CMIP: variants seen among roughly 807,000 people sequenced by gnomAD.
The protein encoded by CMIP is c-Maf inducing protein, also known as C-Maf-inducing protein.
Under a neutral mutation model 97.3 loss-of-function variants are expected in CMIP, and 13 were observed. The observed-to-expected ratio is 0.13, with a 90% CI of 0.09 to 0.21. CMIP has a LOEUF of 0.21. Among genes scored for constraint, CMIP ranks in the 10% least tolerant of loss-of-function variants. CMIP has a pLI of 1.00. For missense variants in CMIP, 847 were observed against 1,024.9 expected (o/e 0.83, Z 2.37); for synonymous variants, 538 against 436.3 (o/e 1.23, Z -2.91).
intron 15 of CMIP, 73 bp downstream of exon 15, chr16:81,699,874 C>T (rs896799431): frequency 1.9e-5 from 20 of 1,080,432 alleles, no homozygotes; most frequent in Non-Finnish European, 2.6e-5. Flanking sequence ...AGAGCATCTG[C>T]TGGGAGCCAG....
chr16:81,696,260 C>T (rs1423062622), intron 13 of CMIP: 2 of 481,062 alleles, frequency 4.2e-6, no homozygotes, highest in East Asian at 4.1e-5. Context: ...GCATCTCTAC[C>T]TGCTGCAGCC....
At chr16:81,536,957 G>C (rs1056945039) in intron 1 of CMIP, among the ~76,000 whole-genome samples, 1 of 152,162 alleles carries the variant, frequency 6.6e-6, no homozygotes, top group Non-Finnish European at 1.5e-5. Flanking sequence ...AGGGGTAACT[G>C]CTCTCCTGGC....
intron 3 of CMIP, chr16:81,645,436 C>T (rs2092353659): frequency 1.3e-6 from 2 of 1,508,756 alleles, no homozygotes; most frequent in Admixed American, 4.0e-5. Flanking sequence ...CGACGTGCTT[C>T]CAGTGCATTC....
chr16:81,520,201 G>A (rs537906694), intron 1 of CMIP: 3 of 152,312 alleles, frequency 2.0e-5, no homozygotes, highest in African/African-American at 7.2e-5. Context: ...GAGTCCTGCT[G>A]GCTGGGTTTG....
At position 81,614,433 on chromosome 16, in the gene CMIP, T is replaced by C. The variant is rs1000117058; in HGVS notation, c.427-6443T>C. On this transcript the variant is annotated intron_variant, in intron 2 of 20. Transcript: ENST00000537098. The surrounding 1 kb of genome is among the most constrained non-coding windows in gnomAD (Gnocchi z 5.3). ...TCACTTCAGCATGACATCAGCTCGT[T>C]GCATTGGCCTGTGTGCTTGCCAGGA... 8.5e-5 allele frequency among the ~76,000 whole-genome samples: 13 copies of C among 152,184 alleles called. No homozygotes were observed. The highest frequency in any genetic ancestry group is 2.7e-4 in the African/African-American group (11 of 41,432).
chr16:81,459,056 ATCACTG>A (rs1214622053), intron 1 of CMIP, among the ~76,000 whole-genome samples: 10 of 141,402 alleles, frequency 7.1e-5, no homozygotes, highest in African/African-American at 2.3e-4. Context: ...CACCATCACC[ATCACTG>A]TCACCGTCAC....
At chr16:81,640,435 G>A (rs1032081803) in intron 3 of CMIP, among the ~76,000 whole-genome samples, 4 of 152,260 alleles carry the variant, frequency 2.6e-5, no homozygotes, top group African/African-American at 9.6e-5. Context: ...CAGTAAGATG[G>A]CAGACTGACT....
chr16:81,590,998 A>G (rs1310497313), intron 1 of CMIP, among the ~76,000 whole-genome samples: 1 of 152,258 alleles, frequency 6.6e-6, no homozygotes, highest in African/African-American at 2.4e-5. Context: ...TCACACCACA[A>G]CAGCACTGCT....
intron 1 of CMIP, among the ~76,000 whole-genome samples, chr16:81,512,883 C>T (rs181401612): frequency 2.4e-4 from 37 of 152,128 alleles, no homozygotes; most frequent in Non-Finnish European, 4.7e-4. Flanking sequence ...ATTACAGGCA[C>T]GCACCACCAC....
At chr16:81,648,882 C>G (rs2092396103) in intron 3 of CMIP, among the ~76,000 whole-genome samples, 1 of 148,512 alleles carries the variant, frequency 6.7e-6, no homozygotes, top group Admixed American at 6.7e-5. Flanking sequence ...TTAGGAACGT[C>G]AACTCTGAGT....
chr16:81,702,667 A>G lies in CMIP; in HGVS notation c.1942A>G (p.Thr648Ala). The G allele has an allele frequency of 6.2e-7, 1 of 1,613,204 alleles. No homozygotes were observed. The highest frequency in any genetic ancestry group is 8.5e-7 in the Non-Finnish European group (1 of 1,179,426). ...PTRLTLPSKS[T>A]DADLARLLSS... is the part of the protein sequence containing the mutation. ...CAGGCTAACACTGCCCTCCAAGTCCACAGTGAGTTGGTTTGGTTCTCTTTG... is the reference window on the plus strand; with the variant it reads ...CAGGCTAACACTGCCCTCCAAGTCCGCAGTGAGTTGGTTTGGTTCTCTTTG... Residue 648 changes from threonine to alanine, a missense_variant and splice_region_variant, in exon 17 of 21, where the codon ACA becomes GCA. Transcript: ENST00000537098.
At chr16:81,597,862 C>CA in intron 1 of CMIP, among the ~76,000 whole-genome samples, 1 of 152,220 alleles carries the variant, frequency 6.6e-6, no homozygotes, top group South Asian at 2.1e-4. Context: ...GTCTCCCCCC[C>CA]AGCTTGATGG....
intron 10 of CMIP, among the ~76,000 whole-genome samples, chr16:81,683,461 C>T (rs1020544650): frequency 5.9e-5 from 9 of 152,188 alleles, no homozygotes; most frequent in African/African-American, 1.9e-4. Flanking sequence ...AGTAGTTCCG[C>T]TCACTGCAAC....
chr16:81,692,900 T>C (rs751188767), intron 11 of CMIP, among the ~76,000 whole-genome samples: 25 of 152,148 alleles, frequency 1.6e-4, no homozygotes, highest in Non-Finnish European at 2.8e-4. Flanking sequence ...GCCCCTCTTA[T>C]TCACAGGTGT....
rs190312656 is a variant in CMIP at position 81,591,610 on chromosome 16, G to A, written c.301-15957G>A. ...TGCTGTGTGATTGCATTTATAACAT[G>A]TTGAGGAACAGGCAGAGCTAATCTG... On this transcript the variant is annotated intron_variant, in intron 1 of 20. Transcript: ENST00000537098. Among the ~76,000 whole-genome samples the A allele has an allele frequency of 7.0e-3, 1,061 of 152,242 alleles. 11 individuals are homozygous for A. Among genetic ancestry groups the A allele is most frequent in the Non-Finnish European group, 9.8e-3 (664 of 68,032 alleles).
rs1567656620 is a variant in CMIP at position 81,678,638 on chromosome 16, C to CA, written c.1388+10_1388+11insA. 2 of 1,406,388 alleles carry CA rather than the reference C, an allele frequency of 1.4e-6. No homozygotes were observed. Among genetic ancestry groups the CA allele is most frequent in the Non-Finnish European group, 2.0e-6 (2 of 1,009,714 alleles). The allele number at this position is 1,406,388 out of a possible 1,614,324, so 87.1% of individuals were successfully genotyped here. ...AAATCCTCAAGCTGCTGTGAGTGCC[C>CA]CCCCCGCGTGCCCGCCCCCGGGGCC... On this transcript the variant is annotated intron_variant, in intron 10 of 20. Transcript: ENST00000537098.
chr16:81,660,279 C>CT (rs567334323), intron 5 of CMIP, among the ~76,000 whole-genome samples: 2,337 of 145,216 alleles, frequency 0.016, 38 homozygotes, highest in African/African-American at 0.032. Flanking sequence ...TTTCTTTTTT[C>CT]TTTTTTTTTT....
chr16:81,569,467 T>TG (rs2091044177), intron 1 of CMIP, among the ~76,000 whole-genome samples: 1 of 152,204 alleles, frequency 6.6e-6, no homozygotes, highest in Non-Finnish European at 1.5e-5. Context: ...TGGCACTGGC[T>TG]GGGCCTCAGG....
intron 1 of CMIP, among the ~76,000 whole-genome samples, chr16:81,567,172 G>A (rs1346610826): frequency 6.6e-6 from 1 of 152,258 alleles, no homozygotes; most frequent in East Asian, 1.9e-4. Context: ...CCATGTGTCC[G>A]GCTGGGAGGA....
Sources: gnomAD v4.1 joint callset for allele counts (sites outside exome capture counted in the v4.1 genomes callset) on GRCh38, gnomAD v4.1.1 for gene constraint, Gnocchi (gnomAD v3.1) non-coding constraint, MANE v1.5 for transcripts, NCBI Gene and HGNC (gene_info 2026-07-23, HGNC 2026-07-21) for gene names.